The following MACF1 variants were observed in gnomAD, a reference collection of about 807,000 sequenced individuals.
MACF1 encodes the protein microtubule actin crosslinking factor 1, also known as microtubule-actin cross-linking factor 1.
A neutral mutation model predicts 854.8 loss-of-function variants in MACF1; 193 were observed. The ratio of observed to expected loss-of-function variants is 0.23; its 90% CI spans 0.20 to 0.25. The LOEUF is 0.25. MACF1 is among the 10% of genes least tolerant of loss of function. MACF1 has a pLI of 1.00. For synonymous variants in MACF1, 3,185 were observed against 3,226.7 expected (o/e 0.99, Z 0.44); for missense variants, 7,722 against 8,929.1 (o/e 0.86, Z 5.45).
At chr1:39,477,086 T>TAC (rs1410043188) in intron 97 of MACF1, among the ~76,000 whole-genome samples, 32 of 12,418 alleles carry the variant, frequency 2.6e-3, no homozygotes, top group African/African-American at 7.8e-3. Context: ...TATATATATA[T>TAC]ATATACACAC....
At chr1:39,249,215 A>G (rs533674062) in intron 2 of MACF1, among the ~76,000 whole-genome samples, 5 of 152,356 alleles carry the variant, frequency 3.3e-5, no homozygotes, top group African/African-American at 1.2e-4. Context: ...TTTGGATTAA[A>G]TAAATAGAAT....
chr1:39,414,503 A>G (rs1351014350), intron 58 of MACF1: 2 of 1,613,048 alleles, frequency 1.2e-6, no homozygotes, highest in East Asian at 4.5e-5. Flanking sequence ...GATTCTGGGA[A>G]GGGTCTAAAG....
intron 42 of MACF1, 76 bp from the exon 43 acceptor site, chr1:39,350,709 T>G: frequency 9.5e-7 from 1 of 1,056,394 alleles, no homozygotes; most frequent in Non-Finnish European, 1.4e-6. Flanking sequence ...ATCCTAGCCA[T>G]TCCATCTTTA....
chr1:39,132,254 C>T (rs190170724), intron 2 of MACF1, among the ~76,000 whole-genome samples: 41 of 152,324 alleles, frequency 2.7e-4, no homozygotes, highest in Middle Eastern at 3.4e-3. Context: ...TTTGTACCTA[C>T]ACCCAGTCAC....
chr1:39,132,595 C>T (rs1466920168), intron 2 of MACF1, among the ~76,000 whole-genome samples: 1 of 152,156 alleles, frequency 6.6e-6, no homozygotes, highest in African/African-American at 2.4e-5. Context: ...TTTCCTAGAG[C>T]ATGGCTTGGA....
chr1:39,282,110 A>T, intron 6 of MACF1, 98 bp from the exon 7 acceptor site: 3 of 1,264,250 alleles, frequency 2.4e-6, no homozygotes, highest in Non-Finnish European at 3.3e-6. Flanking sequence ...CCAGCCTTGG[A>T]CCTTCGTTTT....
At chr1:39,207,636 T>G (rs1644466640) in intron 1 of MACF1, among the ~76,000 whole-genome samples, 1 of 152,144 alleles carries the variant, frequency 6.6e-6, no homozygotes, top group Non-Finnish European at 1.5e-5. Flanking sequence ...CAAATATTTG[T>G]GCTATTCTTT....
chr1:39,131,483 C>CT (rs937841549), intron 2 of MACF1, among the ~76,000 whole-genome samples: 2 of 151,908 alleles, frequency 1.3e-5, no homozygotes, highest in African/African-American at 4.8e-5. Context: ...CCTGTTTTTC[C>CT]TTTTTGATGT....
intron 1 of MACF1, among the ~76,000 whole-genome samples, chr1:39,230,939 G>T (rs1209629588): frequency 6.6e-6 from 1 of 152,216 alleles, no homozygotes. Flanking sequence ...ATTGTGCTAA[G>T]GAGACTTTGC....
intron 44 of MACF1, among the ~76,000 whole-genome samples, chr1:39,355,679 T>A (rs1197124679): frequency 6.6e-6 from 1 of 152,108 alleles, no homozygotes; most frequent in Non-Finnish European, 1.5e-5. Context: ...TTGGCCAGCA[T>A]GGTCTCGATC....
At chr1:39,421,871 G>A (rs1643549782) in intron 58 of MACF1, among the ~76,000 whole-genome samples, 1 of 152,070 alleles carries the variant, frequency 6.6e-6, no homozygotes, top group African/African-American at 2.4e-5. Context: ...TCAGGAGATC[G>A]AGACCATCCT....
chr1:39,358,682 C>G lies in MACF1; in HGVS notation c.11944-15C>G. 6.2e-7 allele frequency: 1 copy of G among 1,611,824 alleles called. No individual in the cohort carries two copies. The highest frequency in any genetic ancestry group is 8.5e-7 in the Non-Finnish European group (1 of 1,179,444). ...ACCTTGCTTAAGTCTGCTTACCTTT[C>G]TTTCTCTGGCACAGTGTACACGATT... On this transcript the variant is annotated splice_polypyrimidine_tract_variant and intron_variant, in intron 45 of 100. Transcript: ENST00000564288.
chr1:39,462,866 A>C (rs1644583479), intron 93 of MACF1, among the ~76,000 whole-genome samples: 1 of 152,176 alleles, frequency 6.6e-6, no homozygotes, highest in South Asian at 2.1e-4. Flanking sequence ...TTGATAACAG[A>C]TCTTGGTAAG....
chr1:39,280,634 G>T (rs1399316617), intron 6 of MACF1, among the ~76,000 whole-genome samples: 1 of 152,166 alleles, frequency 6.6e-6, no homozygotes, highest in African/African-American at 2.4e-5. Context: ...CTAGGGTGCA[G>T]TGGCACAATT....
Position 39,105,422 on chromosome 1 carries a change from G to A in MACF1, c.220+20984G>A, listed in dbSNP as rs1642203453. 2.0e-6 allele frequency: 2 copies of A among 987,998 alleles called. No homozygotes were observed. The highest frequency in any genetic ancestry group is 2.4e-6 in the Non-Finnish European group (2 of 832,668). The allele number at this position is 987,998 out of a possible 1,614,324, so 61.2% of individuals were successfully genotyped here. A position where few individuals can be genotyped will look rare whatever the true frequency, so the allele number is the denominator to read the frequency against. On this transcript the variant is annotated intron_variant, in intron 2 of 93. Transcript: ENST00000361689. The surrounding 1 kb of genome is among the most constrained non-coding windows in gnomAD (Gnocchi z 5.9). ...GGAAACGCGAGCCGGGACCGGCGGA[G>A]CGCGAGCGGGCCGGGTGCGAGCGGA... is the stretch of plus-strand genomic sequence containing the variant.
chr1:39,233,802 ATTTTTT>A (rs1557533357), intron 2 of MACF1, among the ~76,000 whole-genome samples: 1,137 of 69,312 alleles, frequency 0.016, 71 homozygotes, highest in Middle Eastern at 0.039. Flanking sequence ...TTTTTTATTT[ATTTTTT>A]ATTGATAATT....
At chr1:39,417,671 G>GAAGTAGTT (rs1643367473) in intron 58 of MACF1, among the ~76,000 whole-genome samples, 1 of 144,194 alleles carries the variant, frequency 6.9e-6, no homozygotes. Flanking sequence ...CCCAGCCTCC[G>GAAGTAGTT]AAGTAGTTGG....
At position 39,105,707 on chromosome 1, in the gene MACF1, G is replaced by A; in HGVS notation, c.220+21269G>A. ...TGCAGGCGTACGAGGATGTGCTGGA[G>A]CGGTACAAAGGTAGGGCCGGGGACT... On this transcript the variant is annotated intron_variant, in intron 2 of 93. Coordinates refer to the MACF1 transcript ENST00000361689. The surrounding 1 kb of genome is among the most constrained non-coding windows in gnomAD (Gnocchi z 5.9). The A allele has an allele frequency of 8.2e-7, 1 of 1,226,056 alleles. No individual in the cohort carries two copies. Among genetic ancestry groups the A allele is most frequent in the Non-Finnish European group, 1.0e-6 (1 of 956,418 alleles). 75.9% of individuals were successfully genotyped at this position (1,226,056 alleles called of 1,614,324 possible).
intron 6 of MACF1, among the ~76,000 whole-genome samples, chr1:39,279,838 G>A (rs72924896): frequency 6.6e-6 from 1 of 152,084 alleles, no homozygotes; most frequent in African/African-American, 2.4e-5. Context: ...TGAATGAAAG[G>A]CTTAACATTT....
Sources: allele counts gnomAD v4.1 joint callset (sites outside exome capture counted in the v4.1 genomes callset), GRCh38; gene constraint gnomAD v4.1.1; non-coding constraint Gnocchi (gnomAD v3.1); transcripts MANE v1.5; gene names NCBI Gene and HGNC (gene_info 2026-07-23, HGNC 2026-07-21).